Variants in NEGR1 observed in about 807,000 individuals in gnomAD.
NEGR1 encodes the protein IgLON family member 4.
NEGR1 carries 10 observed loss-of-function variants against 40.9 expected under a neutral mutation model. The ratio of observed to expected loss-of-function variants is 0.24; its 90% CI spans 0.15 to 0.42. The LOEUF is 0.42. Among genes scored for constraint, NEGR1 ranks in the 10% least tolerant of loss-of-function variants. The pLI is 1.00. For synonymous variants in NEGR1, 185 were observed against 166.8 expected, an observed-to-expected ratio of 1.11 and a Z score of -0.84; for missense variants, 352 against 438.9, an observed-to-expected ratio of 0.80 and a Z score of 1.77.
At chr1:72,008,786 G>A (rs1324600046) in intron 1 of NEGR1, among the ~76,000 whole-genome samples, 1 of 151,878 alleles carries the variant, frequency 6.6e-6, no homozygotes, top group Non-Finnish European at 1.5e-5. Flanking sequence ...CAAAATATAA[G>A]GGCATTATGT....
chr1:72,049,477 T>C (rs909760406), intron 1 of NEGR1, among the ~76,000 whole-genome samples: 1 of 151,658 alleles, frequency 6.6e-6, no homozygotes, highest in African/African-American at 2.4e-5. Flanking sequence ...GCATGGCTTA[T>C]TGATCAGAAA....
chr1:72,267,133 A>G (rs1444115643), intron 1 of NEGR1, among the ~76,000 whole-genome samples: 1 of 151,072 alleles, frequency 6.6e-6, no homozygotes, highest in African/African-American at 2.4e-5. Flanking sequence ...TAATTCTTAG[A>G]ACCTATAGGT....
chr1:72,176,093 T>A (rs1038717031), intron 1 of NEGR1, among the ~76,000 whole-genome samples: 2 of 152,054 alleles, frequency 1.3e-5, no homozygotes, highest in Non-Finnish European at 2.9e-5. Flanking sequence ...AATTATAAAG[T>A]TTTTTTGGAA....
chr1:72,142,332 A>T (rs1650711786), intron 1 of NEGR1, among the ~76,000 whole-genome samples: 1 of 151,996 alleles, frequency 6.6e-6, no homozygotes, highest in African/African-American at 2.4e-5. Context: ...AAAAAATGTG[A>T]GATTGATCTT....
intron 1 of NEGR1, among the ~76,000 whole-genome samples, chr1:72,167,476 T>C (rs182302367): frequency 9.3e-4 from 141 of 152,236 alleles, no homozygotes; most frequent in African/African-American, 3.2e-3. Context: ...TAAAATACCA[T>C]TGTTTTTATT....
chr1:71,801,784 A>C (rs946068647), intron 2 of NEGR1, among the ~76,000 whole-genome samples: 5 of 152,172 alleles, frequency 3.3e-5, no homozygotes, highest in Admixed American at 1.3e-4. Flanking sequence ...ACACTCCAAT[A>C]GTTTCTTATC....
chr1:72,096,390 A>T (rs757895854), intron 1 of NEGR1, among the ~76,000 whole-genome samples: 1 of 152,110 alleles, frequency 6.6e-6, no homozygotes, highest in African/African-American at 2.4e-5. Flanking sequence ...AGGATAATTC[A>T]GTGAAATTTG....
intron 4 of NEGR1, among the ~76,000 whole-genome samples, chr1:71,688,371 T>TATAAAAAAGATATATATAAA (rs1553158636): frequency 1.1e-5 from 1 of 95,120 alleles, no homozygotes; most frequent in African/African-American, 3.8e-5. Flanking sequence ...ATATATGAGA[T>TATAAAAAAGATATATATAAA]ATATACATAA....
At position 72,249,840 on chromosome 1, in the gene NEGR1, C is replaced by T. The variant is rs144585431; in HGVS notation, c.176+32479G>A. 1.3e-5 allele frequency among the ~76,000 whole-genome samples: 2 copies of T among 152,062 alleles called. 1 individual carries two copies. The highest frequency in any genetic ancestry group is 4.1e-4 in the South Asian group (2 of 4,830). On this transcript the variant is annotated intron_variant, in intron 1 of 6. Transcript: ENST00000357731. ...GAAGTTATTCTGATATCTTTCTCAA[C>T]GAATATAAAGCAACTATTATTTTGC...
At chr1:72,147,800 G>A (rs1489629187) in intron 1 of NEGR1, among the ~76,000 whole-genome samples, 1 of 151,954 alleles carries the variant, frequency 6.6e-6, no homozygotes, top group Non-Finnish European at 1.5e-5. Flanking sequence ...TGGGTTACAG[G>A]GCCCACACAA....
chr1:72,211,020 C>A (rs1035949282), intron 1 of NEGR1, among the ~76,000 whole-genome samples: 3 of 151,768 alleles, frequency 2.0e-5, no homozygotes, highest in Non-Finnish European at 4.4e-5. Context: ...ATACAATAAA[C>A]ATGCACAGTT....
intron 6 of NEGR1, chr1:71,477,078 A>G (rs893478844): frequency 6.6e-6 from 1 of 152,158 alleles, no homozygotes; most frequent in Admixed American, 6.6e-5. Context: ...ATGGAGAAGA[A>G]TATTGTCAAC....
At chr1:72,039,865 T>G (rs1646936714) in intron 1 of NEGR1, among the ~76,000 whole-genome samples, 1 of 151,994 alleles carries the variant, frequency 6.6e-6, no homozygotes, top group South Asian at 2.1e-4. Context: ...TGATAATCAT[T>G]GACCATTTTG....
At chr1:71,503,135 A>G (rs1647009993) in intron 6 of NEGR1, among the ~76,000 whole-genome samples, 1 of 152,192 alleles carries the variant, frequency 6.6e-6, no homozygotes, top group South Asian at 2.1e-4. Context: ...GGAAAAGTTA[A>G]AGATAATAAA....
intron 6 of NEGR1, among the ~76,000 whole-genome samples, chr1:71,537,956 A>C (rs1470677830): frequency 6.6e-6 from 1 of 151,706 alleles, no homozygotes; most frequent in East Asian, 2.0e-4. Flanking sequence ...TGAGCATGCC[A>C]AGGCTAATGG....
chr1:71,592,926 G>A lies in NEGR1; in HGVS notation c.831C>T (p.Ser277=), dbSNP rs1293166578. 2 of 1,611,486 alleles carry A rather than the reference G, an allele frequency of 1.2e-6. No individual in the cohort carries two copies. The highest frequency in any genetic ancestry group is 1.7e-6 in the Non-Finnish European group (2 of 1,177,844). Residue 277 remains serine (S), a synonymous_variant, in exon 6 of 7, where the codon AGC becomes AGT. Transcript: ENST00000357731. The part of the protein sequence containing the change: ...GQQGIIIQNF[S]TRSILTVTNV... ...TGGTAACAGTGAGAATGGATCTTGT[G>A]CTAAAATTTTGAATAATAATTCCTT...
intron 2 of NEGR1, among the ~76,000 whole-genome samples, chr1:71,836,320 C>T (rs181879736): frequency 1.5e-3 from 227 of 151,000 alleles, no homozygotes; most frequent in Middle Eastern, 0.01. Context: ...GGAGTGGTCC[C>T]GGGTGCCTGT....
intron 1 of NEGR1, among the ~76,000 whole-genome samples, chr1:71,982,712 G>T (rs1286679730): frequency 1.3e-5 from 2 of 151,866 alleles, no homozygotes; most frequent in African/African-American, 4.8e-5. Flanking sequence ...TCAAATAGAG[G>T]GATAGCAAAA....
At chr1:71,453,479 G>A (rs1479940374) in intron 6 of NEGR1, among the ~76,000 whole-genome samples, 1 of 152,078 alleles carries the variant, frequency 6.6e-6, no homozygotes, top group East Asian at 1.9e-4. Context: ...GTCATTCAAT[G>A]CCCAAGATAT....
Sources: allele counts gnomAD v4.1 joint callset (sites outside exome capture counted in the v4.1 genomes callset), GRCh38; gene constraint gnomAD v4.1.1; transcripts MANE v1.5; gene names NCBI Gene and HGNC (gene_info 2026-07-23, HGNC 2026-07-21).